THBS4: variants seen among roughly 807,000 people sequenced by gnomAD.
THBS4 encodes the protein thrombospondin-4.
A neutral mutation model predicts 115.7 loss-of-function variants in THBS4; 90 were observed. That is an observed-to-expected ratio of 0.78 (90% CI 0.66 to 0.93). The LOEUF (loss-of-function observed/expected upper bound fraction) is 0.93. Ranked by LOEUF, THBS4 falls within the 40% of genes least tolerant of loss-of-function variation. THBS4 has a pLI of 0.00. For missense variants in THBS4, 1,087 were observed against 1,232.7 expected (o/e 0.88, Z 1.77); for synonymous variants, 460 against 479.3 (o/e 0.96, Z 0.53).
Position 80,078,206 on chromosome 5 carries a change from C to A in THBS4, c.2244C>A (p.Pro748=). ...CTGAAGGGGATGCCCAGATCGATCC[C>A]AACTGGGTGGTCCTGAACCAGGTGA... The part of the protein sequence containing the change: ...LDPEGDAQID[P]NWVVLNQGME... Residue 748 remains proline (P), a synonymous_variant, in exon 17 of 22, where the codon CCC becomes CCA. Transcript: ENST00000350881. 2 of 1,596,970 alleles carry A rather than the reference C, an allele frequency of 1.3e-6. No homozygotes were observed. The highest frequency in any genetic ancestry group is 4.5e-5 in the East Asian group (2 of 44,238).
chr5:80,082,796 G>T (rs1743586357), intron 21 of THBS4, among the ~76,000 whole-genome samples: 2 of 152,220 alleles, frequency 1.3e-5, no homozygotes, highest in South Asian at 4.1e-4. Context: ...AATCCAGTCA[G>T]ATTTAATTTA....
chr5:80,038,678 T>C (rs983392445), intron 1 of THBS4, among the ~76,000 whole-genome samples: 1 of 152,192 alleles, frequency 6.6e-6, no homozygotes, highest in African/African-American at 2.4e-5. Context: ...CTTTCCTAAA[T>C]AGAAATTCTA....
chr5:80,022,570 A>AAATATTTTCAAATATTTT (rs1832399188), intron 2 of THBS4, among the ~76,000 whole-genome samples: 1 of 152,214 alleles, frequency 6.6e-6, no homozygotes, highest in African/African-American at 2.4e-5. Flanking sequence ...TTTCAATTAC[A>AAATATTTTCAAATATTTT]CAGTTGAAAA....
chr5:80,036,666 A>G (rs1347393478), intron 1 of THBS4, among the ~76,000 whole-genome samples: 1 of 152,216 alleles, frequency 6.6e-6, no homozygotes, highest in Admixed American at 6.5e-5. Context: ...AATTTTTTGT[A>G]AAGACCAAAA....
chr5:80,030,187 A>G (rs1308436848), intron 2 of THBS4, among the ~76,000 whole-genome samples: 4 of 151,572 alleles, frequency 2.6e-5, no homozygotes, highest in Admixed American at 6.6e-5. Context: ...GAATGTAAAC[A>G]TCTTTTTTTT....
At chr5:80,032,003 A>G (rs1251381445), upstream of THBS4, among the ~76,000 whole-genome samples, 2 of 152,200 alleles carry the variant, frequency 1.3e-5, no homozygotes, top group Non-Finnish European at 2.9e-5. Flanking sequence ...ACAAAACTAA[A>G]TGAGATAATC....
At chr5:80,049,660 C>T (rs1231178382) in intron 2 of THBS4, among the ~76,000 whole-genome samples, 1 of 151,890 alleles carries the variant, frequency 6.6e-6, no homozygotes, top group African/African-American at 2.4e-5. Flanking sequence ...GTAGTGGTGC[C>T]CTCAGATACT....
At chr5:79,992,534 GAT>G (rs905086919) in intron 1 of THBS4, among the ~76,000 whole-genome samples, 1 of 152,172 alleles carries the variant, frequency 6.6e-6, no homozygotes. Context: ...ATGAAAAAGA[GAT>G]ATGTCAGAAA....
Position 80,070,717 on chromosome 5 carries a change from G to A in THBS4, c.1527G>A (p.Glu509=), listed in dbSNP as rs1379256464. The change falls in exon 12 of 22, where the codon GAG becomes GAA. Residue 509 remains glutamate, a synonymous_variant. Coordinates refer to ENST00000350881, the MANE Select transcript of THBS4 (RefSeq NM_003248.6). ...ATGGCATTGGCGACGCTTGTGACGA[G>A]GATGCTGACGGAGATGGGATCCTGA... ...DRDGIGDACD[E]DADGDGILNE... 1.9e-6 allele frequency: 3 copies of A among 1,614,240 alleles called. No homozygotes were observed. The Admixed American group carries it at 5.0e-5, about 27-fold the overall frequency.
chr5:80,083,001 C>T, intron 21 of THBS4, 79 bp from the exon 22 acceptor site: 4 of 1,332,410 alleles, frequency 3.0e-6, no homozygotes, highest in Non-Finnish European at 3.2e-6. Context: ...CCCTACAGGA[C>T]GCCTGAGCCG....
chr5:80,080,029 T>C lies in THBS4; in HGVS notation c.2636T>C (p.Val879Ala). The change falls in exon 20 of 22, where the codon GTG becomes GCG. Residue 879 changes from valine (V) to alanine (A), a missense_variant. Coordinates refer to ENST00000350881, the MANE Select transcript of THBS4 (RefSeq NM_003248.6). Reference protein sequence around the residue: ...DSRNVGWKDKVSYRWFLQHRP... With the variant: ...DSRNVGWKDKASYRWFLQHRP... ...AGGAATGTGGGCTGGAAGGACAAGGTGTCCTACCGCTGGTTCCTACAGCAC... is the reference window on the plus strand; with the variant it reads ...AGGAATGTGGGCTGGAAGGACAAGGCGTCCTACCGCTGGTTCCTACAGCAC... 1 of 1,614,068 alleles carries C rather than the reference T, an allele frequency of 6.2e-7. No individual in the cohort carries two copies. The highest frequency in any genetic ancestry group is 8.5e-7 in the Non-Finnish European group (1 of 1,179,982).
chr5:80,064,541 A>G (rs1049198122), intron 8 of THBS4, among the ~76,000 whole-genome samples: 1 of 152,258 alleles, frequency 6.6e-6, no homozygotes, highest in Non-Finnish European at 1.5e-5. Flanking sequence ...ACTGGGCAAC[A>G]TGGCAAAATC....
At chr5:80,003,806 G>T (rs974974592) in intron 2 of THBS4, among the ~76,000 whole-genome samples, 1 of 152,018 alleles carries the variant, frequency 6.6e-6, no homozygotes, top group Non-Finnish European at 1.5e-5. Flanking sequence ...TGTCTGCATA[G>T]TTAATCGTCC....
chr5:80,061,820 G>A lies in THBS4; in HGVS notation c.1113G>A (p.Lys371=), dbSNP rs1833648304. ...AGGGTGTTGGGATCAGTTTTGCCAAGTCAAACAAGCAGGTAGGCTGAAGTC... is the reference window on the plus strand; with the variant it reads ...AGGGTGTTGGGATCAGTTTTGCCAAATCAAACAAGCAGGTAGGCTGAAGTC... ...MVQGVGISFA[K]SNKQVCTDID... Residue 371 remains lysine, a synonymous_variant, in exon 8 of 22, where the codon AAG becomes AAA. Transcript: ENST00000350881. The A allele has an allele frequency of 1.2e-6, 2 of 1,607,142 alleles. No homozygotes were observed. Among genetic ancestry groups the A allele is most frequent in the East Asian group, 2.2e-5 (1 of 44,742 alleles).
intron 1 of THBS4, among the ~76,000 whole-genome samples, chr5:80,038,633 G>A (rs1460590657): frequency 6.6e-6 from 1 of 152,044 alleles, no homozygotes. Context: ...CAGAGCTCAG[G>A]TTTACCTCTC....
intron 2 of THBS4, among the ~76,000 whole-genome samples, chr5:80,025,428 G>A (rs1832457261): frequency 1.3e-5 from 2 of 152,324 alleles, no homozygotes; most frequent in South Asian, 4.1e-4. Context: ...TACACAGACA[G>A]TGTTGAAAGA....
chr5:80,045,531 CTT>C (rs70982016), intron 2 of THBS4, among the ~76,000 whole-genome samples: 20 of 135,584 alleles, frequency 1.5e-4, no homozygotes, highest in Admixed American at 1.5e-4. Flanking sequence ...TTTATGGAGT[CTT>C]TTTTTTTTTT....
At chr5:80,025,473 GC>G (rs1227735620) in intron 2 of THBS4, among the ~76,000 whole-genome samples, 5 of 152,150 alleles carry the variant, frequency 3.3e-5, no homozygotes, top group Non-Finnish European at 7.4e-5. Flanking sequence ...CAGAGAACTA[GC>G]CCCAAAGCCC....
At position 80,061,703 on chromosome 5, in the gene THBS4, C is replaced by T. The variant is rs769995562; in HGVS notation, c.996C>T (p.Tyr332=). 12 of 1,612,352 alleles carry T rather than the reference C, an allele frequency of 7.4e-6. No homozygotes were observed. The highest frequency in any genetic ancestry group is 1.0e-5 in the Non-Finnish European group (12 of 1,179,080). Reference sequence around the variant, plus strand: ...AACTTTTTTGTCTCCAGTGCAAATACCATCCCTGCTACCCGGGCGTGCACT... The same window carrying T: ...AACTTTTTTGTCTCCAGTGCAAATATCATCCCTGCTACCCGGGCGTGCACT... ...ITCIDVDECK[Y]HPCYPGVHCI... The change falls in exon 8 of 22, where the codon TAC becomes TAT. Residue 332 remains tyrosine, a synonymous_variant. Coordinates refer to ENST00000350881, the MANE Select transcript of THBS4 (RefSeq NM_003248.6).
Sources: gnomAD v4.1 joint callset for allele counts (sites outside exome capture counted in the v4.1 genomes callset) on GRCh38, gnomAD v4.1.1 for gene constraint, MANE v1.5 for transcripts, NCBI Gene and HGNC (gene_info 2026-07-23, HGNC 2026-07-21) for gene names.